The following PRDM5 variants were observed in gnomAD, a reference collection of about 807,000 sequenced individuals.
PRDM5 encodes PR domain zinc finger protein 5.
In PRDM5, 56 loss-of-function variants were observed where a neutral mutation model predicts 81.2. That is an observed-to-expected ratio of 0.69 (90% confidence interval 0.56 to 0.86). The LOEUF (loss-of-function observed/expected upper bound fraction) is 0.86, where lower values mean the gene tolerates loss of function less well. PRDM5 is among the 40% of genes least tolerant of loss of function. The pLI is 0.00. For missense variants in PRDM5, 697 were observed against 770.1 expected, an observed-to-expected ratio of 0.91 and a Z score of 1.12; for synonymous variants, 267 against 256.4, an observed-to-expected ratio of 1.04 and a Z score of -0.39.
At chr4:120,905,029 A>G (rs1452813398) in intron 2 of PRDM5, among the ~76,000 whole-genome samples, 1 of 152,206 alleles carries the variant, frequency 6.6e-6, no homozygotes, top group Admixed American at 6.5e-5. Context: ...CCTTCATAGT[A>G]AAAGAATTAA....
At chr4:120,918,635 A>ATTTTTTTTTTTTTT (rs534148936) in intron 1 of PRDM5, among the ~76,000 whole-genome samples, 3 of 110,734 alleles carry the variant, frequency 2.7e-5, no homozygotes, top group Non-Finnish European at 5.3e-5. Context: ...TACGTCAGGT[A>ATTTTTTTTTTTTTT]TTTTTTTTTT....
At chr4:120,752,243 A>C (rs1744108331) in intron 14 of PRDM5, among the ~76,000 whole-genome samples, 1 of 152,214 alleles carries the variant, frequency 6.6e-6, no homozygotes, top group Non-Finnish European at 1.5e-5. Context: ...GTATTTATTC[A>C]ATGCTTAGGA....
At chr4:120,719,875 T>G (rs374903243) in intron 14 of PRDM5, among the ~76,000 whole-genome samples, 1 of 152,198 alleles carries the variant, frequency 6.6e-6, no homozygotes, top group Non-Finnish European at 1.5e-5. Context: ...GCCATTATCC[T>G]TCTGCATCAG....
chr4:120,718,569 G>T (rs1738137261), intron 14 of PRDM5, among the ~76,000 whole-genome samples: 1 of 152,114 alleles, frequency 6.6e-6, no homozygotes, highest in Admixed American at 6.5e-5. Flanking sequence ...AGACCTTTCT[G>T]CAAAAGTGGA....
chr4:120,738,994 C>A (rs1741513775), intron 14 of PRDM5, among the ~76,000 whole-genome samples: 1 of 152,098 alleles, frequency 6.6e-6, no homozygotes, highest in Admixed American at 6.5e-5. Context: ...GTCTTTCTTG[C>A]AGTTGCAGTC....
rs551673082 is a variant in PRDM5 at position 120,815,965 on chromosome 4, A to G, written c.865+488T>C. The stretch of plus-strand genomic sequence containing the variant: ...AGCTATCAGATGGAATTCAAATAAT[A>G]TTTGTTTTGTTAATCCATACATATT... On this transcript the variant is annotated intron_variant, in intron 7 of 15. Transcript: ENST00000264808. The G allele has an allele frequency of 1.7e-4, 32 of 186,430 alleles. No individual in the cohort carries two copies. In the South Asian group the frequency reaches 1.8e-3, roughly 10 times the overall value. The allele number at this position is 186,430 out of a possible 1,614,324, so 11.5% of individuals were successfully genotyped here.
chr4:120,750,713 C>CGT (rs1743867120), intron 14 of PRDM5, among the ~76,000 whole-genome samples: 4 of 143,700 alleles, frequency 2.8e-5, no homozygotes, highest in Non-Finnish European at 6.2e-5. Flanking sequence ...CACACACACA[C>CGT]ACACACGCGC....
chr4:120,874,855 A>C (rs1579074191), intron 2 of PRDM5, among the ~76,000 whole-genome samples: 1 of 152,306 alleles, frequency 6.6e-6, no homozygotes, highest in South Asian at 2.1e-4. Context: ...TCTGACAGGA[A>C]GTATATGTGT....
chr4:120,741,579 A>G (rs550020795), intron 14 of PRDM5, among the ~76,000 whole-genome samples: 108 of 152,082 alleles, frequency 7.1e-4, no homozygotes, highest in African/African-American at 2.6e-3. Context: ...CGCACTGTGC[A>G]CGAGCCGAAG....
At chr4:120,772,037 A>G (rs1057203807) in intron 13 of PRDM5, among the ~76,000 whole-genome samples, 2 of 152,170 alleles carry the variant, frequency 1.3e-5, no homozygotes, top group African/African-American at 4.8e-5. Context: ...ATGACTAGCT[A>G]GTGGCAGGGG....
intron 14 of PRDM5, among the ~76,000 whole-genome samples, chr4:120,729,058 T>C (rs994217757): frequency 6.6e-6 from 1 of 152,168 alleles, no homozygotes; most frequent in African/African-American, 2.4e-5. Flanking sequence ...TAATGAATTA[T>C]GGTTGACACA....
chr4:120,720,494 G>T (rs954237028), intron 14 of PRDM5, among the ~76,000 whole-genome samples: 1 of 152,144 alleles, frequency 6.6e-6, no homozygotes, highest in Admixed American at 6.5e-5. Flanking sequence ...GGCCCCATGG[G>T]TTTCTATTAC....
At chr4:120,871,598 A>G (rs1287216575) in intron 2 of PRDM5, among the ~76,000 whole-genome samples, 2 of 152,212 alleles carry the variant, frequency 1.3e-5, no homozygotes, top group Admixed American at 6.5e-5. Context: ...AGATATTTGC[A>G]TATAGGTCAA....
At chr4:120,699,758 A>C (rs1357044702) in intron 15 of PRDM5, among the ~76,000 whole-genome samples, 1 of 152,186 alleles carries the variant, frequency 6.6e-6, no homozygotes, top group Non-Finnish European at 1.5e-5. Flanking sequence ...TGCTAAAAGA[A>C]ATCACAGATG....
intron 4 of PRDM5, among the ~76,000 whole-genome samples, chr4:120,819,008 CA>C (rs1754915416): frequency 6.6e-6 from 1 of 152,136 alleles, no homozygotes; most frequent in Non-Finnish European, 1.5e-5. Flanking sequence ...TACACGGTCC[CA>C]TATAGACTGG....
At chr4:120,880,883 T>C (rs1428273938) in intron 2 of PRDM5, among the ~76,000 whole-genome samples, 2 of 152,186 alleles carry the variant, frequency 1.3e-5, no homozygotes, top group Admixed American at 1.3e-4. Flanking sequence ...TAAGTAAATT[T>C]ATCAACTCTG....
chr4:120,689,600 C>CT (rs68162390), downstream of PRDM5, among the ~76,000 whole-genome samples: 1,067 of 143,872 alleles, frequency 7.4e-3, 10 homozygotes, highest in African/African-American at 0.021. Flanking sequence ...TTTCAAAATT[C>CT]TTTTTTTTTT....
intron 3 of PRDM5, chr4:120,838,979 C>G (rs866427596): frequency 1.9e-6 from 1 of 533,334 alleles, no homozygotes; most frequent in African/African-American, 1.9e-5. Context: ...GGTGCCAGCA[C>G]AGGTGCCAGC....
chr4:120,723,333 G>A (rs916400235), intron 14 of PRDM5, among the ~76,000 whole-genome samples: 7 of 152,160 alleles, frequency 4.6e-5, no homozygotes, highest in Admixed American at 2.0e-4. Context: ...TGAGAACAAC[G>A]TACTTGTGCA....
Sources: allele counts gnomAD v4.1 joint callset (sites outside exome capture counted in the v4.1 genomes callset), GRCh38; gene constraint gnomAD v4.1.1; transcripts MANE v1.5; gene names NCBI Gene and HGNC (gene_info 2026-07-23, HGNC 2026-07-21).